TENM2: variants seen among roughly 807,000 people sequenced by gnomAD.
TENM2 encodes the protein teneurin-2.
Under a neutral mutation model 245.2 loss-of-function variants are expected in TENM2, and 52 were observed. The observed-to-expected ratio is 0.21, with a 90% CI of 0.17 to 0.27. The LOEUF (loss-of-function observed/expected upper bound fraction) is 0.27. Among genes scored for constraint, TENM2 ranks in the 10% least tolerant of loss-of-function variants. The pLI, the probability that TENM2 is intolerant of heterozygous loss-of-function variation, is 1.00. For synonymous variants in TENM2, 1,363 were observed against 1,438.9 expected (o/e 0.95, Z 1.19); for missense variants, 3,046 against 3,666.8 (o/e 0.83, Z 4.37).
chr5:168,031,276 G>T (rs897832083), intron 5 of TENM2, among the ~76,000 whole-genome samples: 1 of 152,200 alleles, frequency 6.6e-6, no homozygotes, highest in African/African-American at 2.4e-5. Flanking sequence ...TGTAAAATGA[G>T]TCTGGAGAAG....
intron 13 of TENM2, among the ~76,000 whole-genome samples, chr5:168,183,126 G>T (rs948148390): frequency 6.6e-6 from 1 of 151,942 alleles, no homozygotes; most frequent in South Asian, 2.1e-4. Context: ...CACCGCCCCC[G>T]GCCCAGGGTA....
intron 4 of TENM2, among the ~76,000 whole-genome samples, chr5:167,991,892 G>A (rs980735076): frequency 1.3e-5 from 2 of 152,170 alleles, no homozygotes; most frequent in African/African-American, 4.8e-5. Flanking sequence ...CAGTTGCTTG[G>A]CTTCTCAAAG....
At chr5:167,043,130 A>C in the TENM2 span, among the ~76,000 whole-genome samples, 1 of 152,178 alleles carries the variant, frequency 6.6e-6, no homozygotes, top group African/African-American at 2.4e-5. Context: ...TTACCTGTTC[A>C]TTTGCTTAAG....
rs187852555 is a variant in TENM2 at position 168,181,454 on chromosome 5, C to T, written c.2570-8883C>T. 2.8e-3 allele frequency among the ~76,000 whole-genome samples: 422 copies of T among 152,174 alleles called. 3 individuals are homozygous for T. The highest frequency in any genetic ancestry group is 5.0e-3 in the Non-Finnish European group (339 of 68,010). On this transcript the variant is annotated intron_variant, in intron 13 of 28. Transcript: ENST00000518659. ...CATCCATCCTAAAGAGTAGAAAAGC[C>T]AGCAAACAGCTTTCACTGGGGCCTC...
chr5:167,884,550 A>G (rs1774132810), intron 3 of TENM2, among the ~76,000 whole-genome samples: 1 of 152,182 alleles, frequency 6.6e-6, no homozygotes, highest in African/African-American at 2.4e-5. Flanking sequence ...TTCAAGTTTC[A>G]TCCATGTTGT....
At chr5:167,983,691 G>T (rs1306063024) in intron 4 of TENM2, among the ~76,000 whole-genome samples, 1 of 152,092 alleles carries the variant, frequency 6.6e-6, no homozygotes, top group African/African-American at 2.4e-5. Flanking sequence ...GAGAAGTAAC[G>T]ATTTTAAAAA....
chr5:167,686,437 A>G (rs1757081470), intron 2 of TENM2, among the ~76,000 whole-genome samples: 1 of 152,064 alleles, frequency 6.6e-6, no homozygotes. Context: ...TGCAACCCAA[A>G]CGTTGCTTGC....
chr5:167,082,327 C>A, the TENM2 span, among the ~76,000 whole-genome samples: 8 of 151,994 alleles, frequency 5.3e-5, no homozygotes, highest in Non-Finnish European at 1.2e-4. Context: ...CTCTGTCGCT[C>A]AGGTTGGAGT....
chr5:167,927,982 G>A (rs1325352358), intron 3 of TENM2, among the ~76,000 whole-genome samples: 1 of 152,108 alleles, frequency 6.6e-6, no homozygotes, highest in Non-Finnish European at 1.5e-5. Flanking sequence ...AAATTATTTT[G>A]GTAGGGAATC....
intron 2 of TENM2, among the ~76,000 whole-genome samples, chr5:167,762,656 A>G (rs1453525834): frequency 3.3e-5 from 5 of 152,242 alleles, no homozygotes; most frequent in Admixed American, 3.3e-4. Context: ...GTGCTTAGGC[A>G]AAGTCTTTTA....
At chr5:167,731,985 A>G (rs1055686282) in intron 2 of TENM2, among the ~76,000 whole-genome samples, 2 of 152,190 alleles carry the variant, frequency 1.3e-5, no homozygotes, top group Non-Finnish European at 2.9e-5. Flanking sequence ...GCAAATCAAG[A>G]TTAAACAGTA....
chr5:168,006,175 C>G (rs1002070527), intron 5 of TENM2, among the ~76,000 whole-genome samples: 27 of 152,156 alleles, frequency 1.8e-4, no homozygotes, highest in African/African-American at 5.8e-4. Context: ...AGCCCTGTCC[C>G]CAGCATCCTA....
chr5:167,479,762 C>A (rs1767638871), intron 2 of TENM2, among the ~76,000 whole-genome samples: 1 of 152,116 alleles, frequency 6.6e-6, no homozygotes, highest in South Asian at 2.1e-4. Flanking sequence ...GCCATCATTG[C>A]AAGTTCATTC....
At chr5:167,882,723 A>G (rs1773978278) in intron 3 of TENM2, among the ~76,000 whole-genome samples, 1 of 152,206 alleles carries the variant, frequency 6.6e-6, no homozygotes, top group South Asian at 2.1e-4. Context: ...TCATGAGAAC[A>G]GCATGGGGGA....
At chr5:167,796,912 ATTT>A (rs200837345) in intron 2 of TENM2, among the ~76,000 whole-genome samples, 55 of 146,856 alleles carry the variant, frequency 3.7e-4, no homozygotes, top group Non-Finnish European at 7.7e-4. Flanking sequence ...TTGAGGATAG[ATTT>A]TTTTTTTTTC....
chr5:167,569,007 G>A (rs1206246576), intron 2 of TENM2, among the ~76,000 whole-genome samples: 2 of 150,786 alleles, frequency 1.3e-5, no homozygotes, highest in South Asian at 4.2e-4. Flanking sequence ...GTGGCCTGAG[G>A]GGCCCATCTT....
intron 3 of TENM2, among the ~76,000 whole-genome samples, chr5:167,915,160 G>A (rs1337101166): frequency 6.6e-6 from 1 of 152,122 alleles, no homozygotes; most frequent in African/African-American, 2.4e-5. Context: ...GAAGATGATA[G>A]TGTAGAGTGG....
At chr5:167,444,167 A>G (rs1186057820) in intron 2 of TENM2, among the ~76,000 whole-genome samples, 3 of 152,144 alleles carry the variant, frequency 2.0e-5, no homozygotes, top group African/African-American at 7.2e-5. Flanking sequence ...TCTTTGTCAT[A>G]AAGAAGAACC....
Position 167,950,812 on chromosome 5 carries a change from G to A in TENM2, c.713-1776G>A, listed in dbSNP as rs1468264339. Among the ~76,000 whole-genome samples, 3 of 152,088 alleles carry A rather than the reference G, an allele frequency of 2.0e-5. No homozygotes were observed. In the East Asian group the frequency reaches 5.8e-4, roughly 29 times the overall value. ...ACAATGCCAGAAAATATAATAGCCT[G>A]CTACAGCTATGAAACTCTCCCAAAG... On this transcript the variant is annotated intron_variant, in intron 3 of 28. Coordinates refer to ENST00000518659, the Ensembl canonical transcript of TENM2.
Sources: allele counts gnomAD v4.1 joint callset (sites outside exome capture counted in the v4.1 genomes callset), GRCh38; gene constraint gnomAD v4.1.1; transcripts MANE v1.5; gene names NCBI Gene and HGNC (gene_info 2026-07-23, HGNC 2026-07-21).